GAREM1: variants seen among roughly 807,000 people sequenced by gnomAD.
GAREM1 encodes the protein GRB2-associated and regulator of MAPK protein 1.
GAREM1 carries 26 observed loss-of-function variants against 71.3 expected under a neutral mutation model. The ratio of observed to expected loss-of-function variants is 0.36; its 90% CI spans 0.27 to 0.51. The LOEUF (loss-of-function observed/expected upper bound fraction) is 0.51. Ranked by LOEUF, GAREM1 falls within the 20% of genes least tolerant of loss-of-function variation. The pLI is 0.95. For missense variants in GAREM1, 1,026 were observed against 1,103.1 expected, an observed-to-expected ratio of 0.93 and a Z score of 0.99; for synonymous variants, 440 against 433.2, an observed-to-expected ratio of 1.02 and a Z score of -0.20.
chr18:32,430,938 G>C (rs1419587700), intron 1 of GAREM1, among the ~76,000 whole-genome samples: 1 of 152,218 alleles, frequency 6.6e-6, no homozygotes, highest in Non-Finnish European at 1.5e-5. Flanking sequence ...GGGGGTTTCA[G>C]AGAGCTAGAA....
At chr18:32,322,636 G>T (rs2047440766) in intron 2 of GAREM1, among the ~76,000 whole-genome samples, 1 of 151,630 alleles carries the variant, frequency 6.6e-6, no homozygotes, top group South Asian at 2.1e-4. Context: ...AAAGAAAGCA[G>T]ATGTGTCAAT....
At chr18:32,314,090 G>GTT (rs59416892) in intron 2 of GAREM1, among the ~76,000 whole-genome samples, 12 of 141,998 alleles carry the variant, frequency 8.5e-5, no homozygotes, top group South Asian at 4.6e-4. Context: ...GACAAAAAAA[G>GTT]TTTTTTTTTT....
chr18:32,291,525 G>A (rs1462792536), intron 3 of GAREM1, among the ~76,000 whole-genome samples: 1 of 151,940 alleles, frequency 6.6e-6, no homozygotes, highest in Non-Finnish European at 1.5e-5. Context: ...TAAGTTCTGG[G>A]ATATGTGTGC....
chr18:32,469,694 G>T (rs1439950976), intron 1 of GAREM1, among the ~76,000 whole-genome samples: 5 of 152,070 alleles, frequency 3.3e-5, no homozygotes, highest in Admixed American at 6.5e-5. Context: ...TTCCAGACTG[G>T]AAATGCGCTA....
At chr18:32,334,924 C>G (rs2047574474) in intron 2 of GAREM1, among the ~76,000 whole-genome samples, 1 of 152,134 alleles carries the variant, frequency 6.6e-6, no homozygotes, top group East Asian at 1.9e-4. Flanking sequence ...AAGGAGGTGG[C>G]TGATACTACC....
At chr18:32,387,311 A>C (rs1226753132) in intron 2 of GAREM1, among the ~76,000 whole-genome samples, 2 of 152,206 alleles carry the variant, frequency 1.3e-5, no homozygotes, top group Non-Finnish European at 2.9e-5. Context: ...AAGAGTGGGA[A>C]GAAGAGTGGG....
chr18:32,396,848 T>C (rs2048262482), intron 1 of GAREM1, among the ~76,000 whole-genome samples: 2 of 151,972 alleles, frequency 1.3e-5, no homozygotes, highest in South Asian at 2.1e-4. Flanking sequence ...CCAAGACACA[T>C]AACTGTCAGA....
At chr18:32,301,280 T>C (rs555709461) in intron 3 of GAREM1, among the ~76,000 whole-genome samples, 2 of 152,344 alleles carry the variant, frequency 1.3e-5, no homozygotes, top group South Asian at 4.1e-4. Flanking sequence ...GTTAGCACTC[T>C]AAAAATTCTG....
At chr18:32,291,333 A>C (rs1405272110) in intron 3 of GAREM1, among the ~76,000 whole-genome samples, 1 of 150,164 alleles carries the variant, frequency 6.7e-6, no homozygotes, top group Non-Finnish European at 1.5e-5. Context: ...AAAAAAAAAA[A>C]ACCAAAAACA....
chr18:32,290,642 GA>G (rs586596), intron 3 of GAREM1, among the ~76,000 whole-genome samples: 12,210 of 75,412 alleles, frequency 0.16, 585 homozygotes, highest in African/African-American at 0.26. Context: ...CAGACTGTCT[GA>G]AAAAAAAAAA....
chr18:32,271,876 C>T lies in GAREM1; in HGVS notation c.1567-1493G>A, dbSNP rs141438957. ...AAGTGACATTTTTCATGTACTTCTA[C>T]GTGTCAGGCAGCAGGGGGCAGTTTA... On this transcript the variant is annotated intron_variant, in intron 4 of 5. Coordinates refer to ENST00000269209, the MANE Select transcript of GAREM1 (RefSeq NM_001242409.2). 1.6e-3 allele frequency among the ~76,000 whole-genome samples: 239 copies of T among 152,262 alleles called. 1 individual carries two copies. Among genetic ancestry groups the T allele is most frequent in the African/African-American group, 4.7e-3 (196 of 41,556 alleles).
At chr18:32,445,454 C>G (rs1411980231) in intron 1 of GAREM1, among the ~76,000 whole-genome samples, 1 of 151,960 alleles carries the variant, frequency 6.6e-6, no homozygotes, top group Non-Finnish European at 1.5e-5. Flanking sequence ...GTCTGCTCTT[C>G]CAATAGGGGT....
At position 32,274,640 on chromosome 18, in the gene GAREM1, C is replaced by T. The variant is rs191787018; in HGVS notation, c.1567-4257G>A. On this transcript the variant is annotated intron_variant, in intron 4 of 5. Coordinates refer to ENST00000269209, the MANE Select transcript of GAREM1 (RefSeq NM_001242409.2). ...CCACTGCTCCTAGTCTATATGGGCA[C>T]GCAGGTCCATGCAAAGTGGTGGACT... 5.9e-5 allele frequency among the ~76,000 whole-genome samples: 9 copies of T among 152,254 alleles called. No individual in the cohort carries two copies. The East Asian group carries it at 9.7e-4, about 16-fold the overall frequency.
chr18:32,323,366 G>A (rs185716307), intron 2 of GAREM1, among the ~76,000 whole-genome samples: 2 of 152,174 alleles, frequency 1.3e-5, no homozygotes, highest in Admixed American at 6.6e-5. Context: ...TTGAAGCCAC[G>A]GTCCTGAAGT....
At chr18:32,455,490 C>A (rs188937690) in intron 1 of GAREM1, among the ~76,000 whole-genome samples, 72 of 152,206 alleles carry the variant, frequency 4.7e-4, no homozygotes, top group Middle Eastern at 3.4e-3. Flanking sequence ...TTCTTAAATT[C>A]TGAAACACAC....
intron 2 of GAREM1, among the ~76,000 whole-genome samples, chr18:32,343,904 C>T (rs2047671077): frequency 1.3e-5 from 2 of 152,052 alleles, no homozygotes; most frequent in Non-Finnish European, 2.9e-5. Flanking sequence ...GCTCTGCTGC[C>T]CCACACCTGA....
chr18:32,325,092 G>A lies in GAREM1; in HGVS notation c.263-14769C>T, dbSNP rs2047462591. ...TCCTGCCTCAGCCTCCGGAGTAGCT[G>A]GGATTACAGCCATGCGCCACCATGC... On this transcript the variant is annotated intron_variant, in intron 2 of 5. Coordinates refer to ENST00000269209, the MANE Select transcript of GAREM1 (RefSeq NM_001242409.2). Among the ~76,000 whole-genome samples, 4 of 152,160 alleles carry A rather than the reference G, an allele frequency of 2.6e-5. No homozygotes were observed. In the South Asian group the frequency reaches 8.3e-4, roughly 32 times the overall value.
intron 1 of GAREM1, among the ~76,000 whole-genome samples, chr18:32,420,364 G>A (rs1326311769): frequency 1.4e-4 from 21 of 149,874 alleles, no homozygotes; most frequent in Non-Finnish European, 2.5e-4. Context: ...TTTAAAAATA[G>A]GAAAAAAAAA....
At chr18:32,457,222 AGAGAGTGTGTGTGTGTGTGTGTGTGT>A (rs2048901324) in intron 1 of GAREM1, among the ~76,000 whole-genome samples, 1 of 84,240 alleles carries the variant, frequency 1.2e-5, no homozygotes, top group South Asian at 4.1e-4. Flanking sequence ...AGAGAGAGAG[AGAGAGTGTGTGTGTGTGTGTGTGTGT>A]GTGTGTGTGT....
Sources: allele counts gnomAD v4.1 joint callset (sites outside exome capture counted in the v4.1 genomes callset), GRCh38; gene constraint gnomAD v4.1.1; transcripts MANE v1.5; gene names NCBI Gene and HGNC (gene_info 2026-07-23, HGNC 2026-07-21).